The following TMEM117 variants were observed in gnomAD, a reference collection of about 807,000 sequenced individuals.
TMEM117 encodes the protein transmembrane protein 117.
TMEM117 carries 27 observed loss-of-function variants against 52.4 expected under a neutral mutation model. The observed-to-expected ratio is 0.51, with a 90% CI of 0.38 to 0.71. The LOEUF (loss-of-function observed/expected upper bound fraction) is 0.71. Among genes scored for constraint, TMEM117 ranks in the 30% least tolerant of loss-of-function variants. The pLI is 0.00. For missense variants in TMEM117, 556 were observed against 630.5 expected, an observed-to-expected ratio of 0.88 and a Z score of 1.26; for synonymous variants, 215 against 206.3, an observed-to-expected ratio of 1.04 and a Z score of -0.36.
At chr12:44,211,970 C>A (rs1037634471) in intron 5 of TMEM117, among the ~76,000 whole-genome samples, 1 of 152,210 alleles carries the variant, frequency 6.6e-6, no homozygotes, top group African/African-American at 2.4e-5. Flanking sequence ...AAGAAGGGCA[C>A]TTTCACGTGG....
chr12:44,030,267 A>C, intron 3 of TMEM117, among the ~76,000 whole-genome samples: 2 of 152,336 alleles, frequency 1.3e-5, no homozygotes, highest in Admixed American at 1.3e-4. Context: ...TAAGGTCATA[A>C]ACTGCTTCTT....
At chr12:43,980,371 G>C (rs916387746) in intron 3 of TMEM117, among the ~76,000 whole-genome samples, 3 of 151,984 alleles carry the variant, frequency 2.0e-5, no homozygotes, top group African/African-American at 7.3e-5. Context: ...CTTCCCACTT[G>C]TTCCCAGAGT....
At chr12:43,935,122 C>A (rs905806052) in intron 2 of TMEM117, among the ~76,000 whole-genome samples, 1 of 152,296 alleles carries the variant, frequency 6.6e-6, no homozygotes, top group East Asian at 1.9e-4. Context: ...GATTCTCCCA[C>A]CTCAATCTCT....
chr12:43,810,150 A>G, the TMEM117 span, among the ~76,000 whole-genome samples: 1 of 152,226 alleles, frequency 6.6e-6, no homozygotes, highest in African/African-American at 2.4e-5. Flanking sequence ...AGCACAAAGC[A>G]ACCAGCTTTT....
intron 2 of TMEM117, among the ~76,000 whole-genome samples, chr12:43,924,906 G>A (rs1944753805): frequency 6.6e-6 from 1 of 152,168 alleles, no homozygotes; most frequent in African/African-American, 2.4e-5. Context: ...TGAGGTTGTT[G>A]TGACTATATC....
intron 4 of TMEM117, among the ~76,000 whole-genome samples, chr12:44,191,342 C>T (rs901399084): frequency 1.1e-4 from 17 of 151,946 alleles, no homozygotes; most frequent in African/African-American, 4.1e-4. Context: ...ACAGCCAAAC[C>T]ATGTCTATCT....
intron 4 of TMEM117, among the ~76,000 whole-genome samples, chr12:44,153,671 G>T (rs917924831): frequency 1.3e-5 from 2 of 151,938 alleles, no homozygotes; most frequent in African/African-American, 4.8e-5. Context: ...GCAGTTCCTG[G>T]TTACTTAAGT....
chr12:44,017,252 T>TGTGTGTGTGTGTGTGTGTGTGTGTG (rs1565793575), intron 3 of TMEM117, among the ~76,000 whole-genome samples: 10 of 151,688 alleles, frequency 6.6e-5, no homozygotes, highest in South Asian at 2.1e-4. Context: ...TGTGTGTGTG[T>TGTGTGTGTGTGTGTGTGTGTGTGTG]TTTAGGTGAT....
rs183549585 is a variant in TMEM117 at position 44,255,050 on chromosome 12, G to C, written c.608+43663G>C. Among the ~76,000 whole-genome samples, 36 of 152,198 alleles carry C rather than the reference G, an allele frequency of 2.4e-4. 1 individual carries two copies. In the Middle Eastern group the frequency reaches 0.017, roughly 72 times the overall value. On this transcript the variant is annotated intron_variant, in intron 5 of 7. Coordinates refer to ENST00000266534, the MANE Select transcript of TMEM117 (RefSeq NM_032256.3). ...ATATATGCCACATTTTCTTAATCCA[G>C]TCTATCGTTGTTGGACATTTGGGTT...
At chr12:43,915,082 G>C (rs1944578438) in intron 2 of TMEM117, among the ~76,000 whole-genome samples, 1 of 152,122 alleles carries the variant, frequency 6.6e-6, no homozygotes, top group African/African-American at 2.4e-5. Flanking sequence ...GTGTTACTGC[G>C]ATTTCTTCTT....
chr12:44,086,258 G>A (rs1288276916), intron 3 of TMEM117, among the ~76,000 whole-genome samples: 2 of 147,936 alleles, frequency 1.4e-5, no homozygotes, highest in African/African-American at 5.0e-5. Context: ...TTTGTTGCCA[G>A]GCTGGAGTGT....
rs1470194562 is a variant in TMEM117, at chr12:44,388,429, GA to G, written c.1306del (p.Arg436GlufsTer22). On this transcript the variant is annotated frameshift_variant, in exon 8 of 8. Coordinates refer to ENST00000266534, the MANE Select transcript of TMEM117 (RefSeq NM_032256.3). LOFTEE classifies it high-confidence loss of function. ...ATCAAGACAAAACTTACACTCGCAT[GA>G]AAAGAAAATCTCCATCAGAACATAG... ...ENQDKTYTRM[K>X]RKSPSEHSKD... The G allele has an allele frequency of 1.9e-6, 3 of 1,613,232 alleles. No homozygotes were observed. Among genetic ancestry groups the G allele is most frequent in the Non-Finnish European group, 1.7e-6 (2 of 1,179,656 alleles).
intron 5 of TMEM117, among the ~76,000 whole-genome samples, chr12:44,231,547 C>G (rs533746646): frequency 1.3e-5 from 2 of 151,698 alleles, no homozygotes; most frequent in Admixed American, 6.6e-5. Context: ...ACTAGATAAT[C>G]TCTACAGCTT....
intron 5 of TMEM117, among the ~76,000 whole-genome samples, chr12:44,232,912 T>A (rs1949950906): frequency 1.3e-5 from 2 of 151,360 alleles, no homozygotes; most frequent in South Asian, 4.1e-4. Flanking sequence ...AGTTATAGTT[T>A]TTTTTAATAG....
chr12:44,246,855 T>G (rs574849482), intron 5 of TMEM117, among the ~76,000 whole-genome samples: 1 of 152,338 alleles, frequency 6.6e-6, no homozygotes, highest in East Asian at 1.9e-4. Context: ...TGGTTTAATT[T>G]ATTCAGCACC....
At chr12:43,974,890 C>T (rs999311910) in intron 3 of TMEM117, among the ~76,000 whole-genome samples, 1 of 152,086 alleles carries the variant, frequency 6.6e-6, no homozygotes, top group African/African-American at 2.4e-5. Context: ...GATGTTATAA[C>T]TAACATCCCT....
chr12:44,206,747 G>C (rs1184758262), intron 4 of TMEM117, among the ~76,000 whole-genome samples: 1 of 152,128 alleles, frequency 6.6e-6, no homozygotes, highest in Non-Finnish European at 1.5e-5. Context: ...TAACTTATAA[G>C]TGGCATCTAA....
At chr12:44,304,056 A>T (rs550662236) in intron 6 of TMEM117, among the ~76,000 whole-genome samples, 1 of 152,208 alleles carries the variant, frequency 6.6e-6, no homozygotes, top group African/African-American at 2.4e-5. Context: ...ATGAATGATC[A>T]CAGTGCTTGG....
At chr12:44,256,423 T>C (rs2138527477) in intron 5 of TMEM117, among the ~76,000 whole-genome samples, 1 of 152,166 alleles carries the variant, frequency 6.6e-6, no homozygotes, top group African/African-American at 2.4e-5. Context: ...CAATCACATA[T>C]TTCAATAAAG....
Sources: allele counts gnomAD v4.1 joint callset (sites outside exome capture counted in the v4.1 genomes callset), GRCh38; gene constraint gnomAD v4.1.1; transcripts MANE v1.5; gene names NCBI Gene and HGNC (gene_info 2026-07-23, HGNC 2026-07-21).